Variants in NEMF observed in about 807,000 individuals in gnomAD.
The protein encoded by NEMF is nuclear export mediator factor.
Under a neutral mutation model 162.2 loss-of-function variants are expected in NEMF, and 89 were observed. That is an observed-to-expected ratio of 0.55 (90% CI 0.46 to 0.65). The LOEUF (loss-of-function observed/expected upper bound fraction) is 0.65. Among genes scored for constraint, NEMF ranks in the 30% least tolerant of loss-of-function variants. The pLI is 0.00. For synonymous variants in NEMF, 421 were observed against 404.5 expected (o/e 1.04, Z -0.49); for missense variants, 1,133 against 1,261.9 (o/e 0.90, Z 1.55).
Position 49,783,214 on chromosome 14 carries a change from G to GC in NEMF, c.*1421_*1422insG. On this transcript the variant is annotated 3_prime_UTR_variant, in exon 33 of 33. Transcript: ENST00000298310. ...GAATGGTTGCTACATTTTCTTTTCA[G>GC]TAACTTCAGGATATGTATCTGTAGA... 3.5e-6 allele frequency: 1 copy of GC among 288,884 alleles called. No homozygotes were observed. The highest frequency in any genetic ancestry group is 6.4e-6 in the Non-Finnish European group (1 of 157,392). The allele number at this position is 288,884 out of a possible 1,614,324, so 17.9% of individuals were successfully genotyped here.
intron 25 of NEMF, among the ~76,000 whole-genome samples, chr14:49,798,085 C>G (rs1406938725): frequency 1.3e-5 from 2 of 152,168 alleles, no homozygotes; most frequent in African/African-American, 4.8e-5. Flanking sequence ...CCTGACCTGC[C>G]AGGATAGGCT....
chr14:49,813,848 C>A (rs188669811), intron 18 of NEMF, 140 bp downstream of exon 18: 3 of 601,160 alleles, frequency 5.0e-6, no homozygotes, highest in East Asian at 6.2e-5. Context: ...AAATAATCCT[C>A]ACACTTCAGC....
intron 16 of NEMF, among the ~76,000 whole-genome samples, chr14:49,822,570 C>T (rs1296164718): frequency 7.1e-6 from 1 of 141,566 alleles, no homozygotes; most frequent in East Asian, 2.3e-4. Context: ...TGGCTTTTAT[C>T]TGTAATCCCA....
intron 15 of NEMF, among the ~76,000 whole-genome samples, chr14:49,828,067 C>T (rs1355946249): frequency 6.6e-6 from 1 of 152,110 alleles, no homozygotes; most frequent in Non-Finnish European, 1.5e-5. Context: ...CATTTTTAAC[C>T]TGAGTGAACA....
intron 18 of NEMF, among the ~76,000 whole-genome samples, chr14:49,812,815 T>C (rs1180588426): frequency 6.6e-6 from 1 of 152,038 alleles, no homozygotes; most frequent in Non-Finnish European, 1.5e-5. Flanking sequence ...TTTTTTGAGA[T>C]GGAGTCTCGC....
At chr14:49,831,066 C>G (rs1365273460) in intron 11 of NEMF, among the ~76,000 whole-genome samples, 1 of 152,162 alleles carries the variant, frequency 6.6e-6, no homozygotes, top group Non-Finnish European at 1.5e-5. Context: ...ACCGTATTTT[C>G]CTTTTTTTAC....
At chr14:49,842,161 C>T (rs956875263) in intron 4 of NEMF, among the ~76,000 whole-genome samples, 2 of 143,934 alleles carry the variant, frequency 1.4e-5, no homozygotes, top group Non-Finnish European at 3.0e-5. Flanking sequence ...AAACCCCAAA[C>T]AGCCTAAATG....
chr14:49,839,711 C>G (rs1893096705), intron 5 of NEMF: 1 of 152,118 alleles, frequency 6.6e-6, no homozygotes, highest in Non-Finnish European at 1.5e-5. Flanking sequence ...CAAAACTTAG[C>G]TAAAAAACAC....
At position 49,785,131 on chromosome 14, in the gene NEMF, T is replaced by G. The variant is rs762788295; in HGVS notation, c.3034A>C (p.Lys1012Gln). 6.2e-7 allele frequency: 1 copy of G among 1,606,276 alleles called. No homozygotes were observed. ...PYTTMTNYKY[K>Q]VKLTPGVQKK... The stretch of plus-strand genomic sequence containing the variant: ...TGCACTCCAGGAGTAAGTTTCACTT[T>G]ATATCTTTAAAAAGGAATTACATGT... Residue 1012 changes from lysine to glutamine, a missense_variant, in exon 31 of 33, where the codon AAA becomes CAA. Lys to Gln is a moderately conservative substitution (Grantham distance 53). Around this residue, in one of 3 missense-constraint regions of NEMF, gnomAD observed 532 missense variants for 578.6 expected, o/e 0.92. Transcript: ENST00000298310.
chr14:49,813,466 C>T (rs1891572385), intron 18 of NEMF, among the ~76,000 whole-genome samples: 1 of 152,146 alleles, frequency 6.6e-6, no homozygotes, highest in Non-Finnish European at 1.5e-5. Context: ...GATTCTGTGT[C>T]CAGTTATTCT....
chr14:49,790,298 G>A (rs960490134), intron 26 of NEMF, among the ~76,000 whole-genome samples: 8 of 152,222 alleles, frequency 5.3e-5, no homozygotes, highest in South Asian at 2.1e-4. Flanking sequence ...ACATATATCC[G>A]AGAAAGGACT....
chr14:49,848,810 G>C (rs1893634702), intron 3 of NEMF, among the ~76,000 whole-genome samples: 1 of 145,524 alleles, frequency 6.9e-6, no homozygotes, highest in Non-Finnish European at 1.5e-5. Flanking sequence ...CCTCCAGCCT[G>C]GTGACAGAGC....
chr14:49,793,395 T>C (rs1420259432), intron 26 of NEMF, among the ~76,000 whole-genome samples: 1 of 152,134 alleles, frequency 6.6e-6, no homozygotes, highest in African/African-American at 2.4e-5. Flanking sequence ...GTTTCAAAAA[T>C]AGGTAGGGCG....
chr14:49,823,748 T>C (rs949608115), intron 16 of NEMF, among the ~76,000 whole-genome samples: 2 of 152,110 alleles, frequency 1.3e-5, no homozygotes, highest in Non-Finnish European at 2.9e-5. Flanking sequence ...CCACAAAGTA[T>C]CCAACATAAT....
chr14:49,828,935 T>A, intron 13 of NEMF, 119 bp downstream of exon 13: 1 of 1,283,750 alleles, frequency 7.8e-7, no homozygotes, highest in South Asian at 1.5e-5. Flanking sequence ...TAATCTAAAT[T>A]AGTTTTTTCC....
In NEMF at chr14:49,832,206, C is replaced by T; in HGVS notation, c.806+1G>A. 3.1e-6 allele frequency: 5 copies of T among 1,607,848 alleles called. No individual in the cohort carries two copies. The highest frequency in any genetic ancestry group is 1.3e-5 in the African/African-American group (1 of 74,830). ...AAATTGACCCATGCCTATATGCTTACGTCAGTATGTCTTCAACTGGTTTAT... is the reference window on the plus strand; with the variant it reads ...AAATTGACCCATGCCTATATGCTTATGTCAGTATGTCTTCAACTGGTTTAT... On this transcript the variant is annotated splice_donor_variant, in intron 9 of 32. Transcript: ENST00000298310. LOFTEE classifies it high-confidence loss of function.
At chr14:49,831,186 A>T (rs1458696328) in intron 11 of NEMF, 113 bp downstream of exon 11, 4 of 633,278 alleles carry the variant, frequency 6.3e-6, no homozygotes, top group Non-Finnish European at 1.1e-5. Context: ...CAGGTCAGAG[A>T]GTTCCCATAC....
chr14:49,841,066 G>A (rs1198833457), intron 4 of NEMF, among the ~76,000 whole-genome samples, 200 bp from the exon 5 acceptor site: 13 of 151,440 alleles, frequency 8.6e-5, no homozygotes, highest in Admixed American at 7.9e-4. Context: ...GTATGGTGGC[G>A]GGTGCCTATA....
intron 18 of NEMF, among the ~76,000 whole-genome samples, chr14:49,807,867 G>A (rs1467865797): frequency 2.0e-5 from 3 of 151,976 alleles, no homozygotes; most frequent in Non-Finnish European, 2.9e-5. Context: ...GCCTCCCAAA[G>A]TGCTGGGATT....
Sources: allele counts gnomAD v4.1 joint callset (sites outside exome capture counted in the v4.1 genomes callset), GRCh38; gene constraint gnomAD v4.1.1; regional missense constraint gnomAD v4.1.1; transcripts MANE v1.5; gene names NCBI Gene and HGNC (gene_info 2026-07-23, HGNC 2026-07-21).